The following CDKL5 variants were observed in gnomAD, a reference collection of about 807,000 sequenced individuals.
CDKL5 encodes cyclin-dependent kinase-like 5.
A neutral mutation model predicts 61.7 loss-of-function variants in CDKL5; 8 were observed. That is an observed-to-expected ratio of 0.13 (90% confidence interval 0.08 to 0.23). The LOEUF (loss-of-function observed/expected upper bound fraction) is 0.23. Ranked by LOEUF, CDKL5 falls within the 10% of genes least tolerant of loss-of-function variation. The pLI is 1.00. For missense variants in CDKL5, 440 were observed against 734.5 expected (o/e 0.60, Z 4.63); for synonymous variants, 275 against 272.3 (o/e 1.01, Z -0.10).
chrX:18,445,787 C>T (rs1000467809), intron 1 of CDKL5, among the ~76,000 whole-genome samples: 3 of 111,310 alleles, frequency 2.7e-5, no homozygotes, highest in Admixed American at 9.6e-5. Flanking sequence ...CCCAGCCATA[C>T]GGAACTGGGG....
chrX:18,426,451 C>T (rs987075594), intron 1 of CDKL5: 1 of 112,496 alleles, frequency 8.9e-6, no homozygotes, highest in African/African-American at 3.2e-5. Context: ...AAAAAAATAA[C>T]CTGAACATAT....
At chrX:18,548,563 T>C (rs891674410) in intron 3 of CDKL5, among the ~76,000 whole-genome samples, 1 of 112,736 alleles carries the variant, frequency 8.9e-6, no homozygotes, top group African/African-American at 3.2e-5. Flanking sequence ...GGCAAAACGC[T>C]GTGACTTGGA....
At chrX:18,462,395 T>C (rs1257871472) in intron 1 of CDKL5, among the ~76,000 whole-genome samples, 1 of 111,913 alleles carries the variant, frequency 8.9e-6, no homozygotes, top group East Asian at 2.8e-4. Context: ...TTGTTAGAAA[T>C]GCAAACTCTT....
chrX:18,444,111 A>G (rs779188269), intron 1 of CDKL5, among the ~76,000 whole-genome samples: 3 of 99,127 alleles, frequency 3.0e-5, no homozygotes, highest in Non-Finnish European at 6.1e-5. Flanking sequence ...CTAGGTGTGG[A>G]TTTGTTTTAT....
At chrX:18,502,754 C>T (rs771991271) in intron 1 of CDKL5, among the ~76,000 whole-genome samples, 34 of 111,813 alleles carry the variant, frequency 3.0e-4, no homozygotes, top group Non-Finnish European at 4.9e-4. Context: ...TAATTTCCCT[C>T]ACTCTATTAT....
At chrX:18,650,639 C>T (rs368135097) in intron 21 of CDKL5, 31 of 1,161,011 alleles carry the variant, frequency 2.7e-5, no homozygotes, top group Admixed American at 4.4e-5. Flanking sequence ...GGCTGTACCT[C>T]GGAATTGCCC....
Position 18,628,780 on chromosome X carries a change from G to C in CDKL5, c.*23G>C. 1 of 1,049,719 alleles carries C rather than the reference G, an allele frequency of 9.5e-7. No individual in the cohort carries two copies. The highest frequency in any genetic ancestry group is 1.2e-6 in the Non-Finnish European group (1 of 812,565). 86.5% of individuals were successfully genotyped at this position (1,049,719 alleles called of 1,213,427 possible). A position where few individuals can be genotyped will look rare whatever the true frequency, so the allele number is the denominator to read the frequency against. ...TAATTTGTGCTGGTAGGGGGGAGGGGTGGACAGACAAGCCAGTGGGGAGGG... is the reference window on the plus strand; with the variant it reads ...TAATTTGTGCTGGTAGGGGGGAGGGCTGGACAGACAAGCCAGTGGGGAGGG... On this transcript the variant is annotated 3_prime_UTR_variant, in exon 18 of 18. Coordinates refer to ENST00000623535, the MANE Select transcript of CDKL5 (RefSeq NM_001323289.2).
At chrX:18,522,790 T>C (rs1039158139) in intron 3 of CDKL5, among the ~76,000 whole-genome samples, 4 of 107,941 alleles carry the variant, frequency 3.7e-5, no homozygotes, top group African/African-American at 1.4e-4. Context: ...AGAAATATTA[T>C]CGATTTTTTT....
intron 2 of CDKL5, among the ~76,000 whole-genome samples, chrX:18,509,093 C>CAT (rs1182198878): frequency 1.4e-4 from 10 of 69,597 alleles, no homozygotes; most frequent in Non-Finnish European, 2.6e-4. Context: ...TGTCTCAAAA[C>CAT]ACACACACAC....
intron 9 of CDKL5, among the ~76,000 whole-genome samples, chrX:18,594,482 G>A (rs778946878): frequency 5.3e-5 from 6 of 112,347 alleles, no homozygotes; most frequent in Non-Finnish European, 1.1e-4. Flanking sequence ...TATTAAAAGC[G>A]ATGACAGAAT....
intron 16 of CDKL5, among the ~76,000 whole-genome samples, chrX:18,623,721 C>A (rs1926955356): frequency 9.0e-6 from 1 of 110,755 alleles, no homozygotes; most frequent in Non-Finnish European, 1.9e-5. Flanking sequence ...TCTTCACATC[C>A]AGGTGAGAAT....
intron 3 of CDKL5, among the ~76,000 whole-genome samples, chrX:18,550,174 G>A (rs763361557): frequency 9.0e-6 from 1 of 111,710 alleles, no homozygotes; most frequent in African/African-American, 3.3e-5. Flanking sequence ...GATCAACTGG[G>A]GTAGATCCCT....
intron 1 of CDKL5, among the ~76,000 whole-genome samples, chrX:18,468,789 C>T (rs971008126): frequency 5.4e-5 from 6 of 111,284 alleles, no homozygotes; most frequent in Non-Finnish European, 1.1e-4. Context: ...CTTAGTCTTA[C>T]GTAGTGCTTT....
intron 20 of CDKL5, among the ~76,000 whole-genome samples, chrX:18,646,336 T>A (rs760743966): frequency 7.2e-5 from 8 of 111,408 alleles, no homozygotes; most frequent in Admixed American, 2.9e-4. Flanking sequence ...GTATTTTTAG[T>A]AGAGATGAGG....
chrX:18,470,544 C>T (rs1424171514), intron 1 of CDKL5, among the ~76,000 whole-genome samples: 2 of 110,603 alleles, frequency 1.8e-5, no homozygotes, highest in African/African-American at 6.6e-5. Context: ...ATTTTGAGTA[C>T]ATTACTGAGA....
chrX:18,497,958 G>C (rs1274184067), intron 1 of CDKL5, among the ~76,000 whole-genome samples: 1 of 106,682 alleles, frequency 9.4e-6, no homozygotes, highest in African/African-American at 3.4e-5. Context: ...GCTGGGACTA[G>C]AGGTGTTCGC....
rs1050009918 is a variant in CDKL5, at chrX:18,634,842, T to G, written c.*6085T>G. The G allele has an allele frequency of 1.1e-5, 8 of 750,338 alleles. No individual in the cohort carries two copies. The highest frequency in any genetic ancestry group is 1.3e-5 in the Non-Finnish European group (8 of 636,876). 61.8% of individuals were successfully genotyped at this position (750,338 alleles called of 1,213,427 possible). A position where few individuals can be genotyped will look rare whatever the true frequency, so the allele number is the denominator to read the frequency against. The stretch of plus-strand genomic sequence containing the variant: ...TATTCTGTATATACTTAGCTAACTA[T>G]TCAGAGCTTCTTCAATCTCTAGTAA... On this transcript the variant is annotated 3_prime_UTR_variant, in exon 18 of 18. Coordinates refer to ENST00000623535, the MANE Select transcript of CDKL5 (RefSeq NM_001323289.2).
At chrX:18,626,696 CT>C (rs1927058507) in intron 17 of CDKL5, 1 of 43,631 alleles carries the variant, frequency 2.3e-5, no homozygotes, top group African/African-American at 8.6e-5. Flanking sequence ...CTCTCTCTCT[CT>C]CTCTCTCTCT....
At chrX:18,533,588 A>G (rs901873478) in intron 3 of CDKL5, among the ~76,000 whole-genome samples, 1 of 112,062 alleles carries the variant, frequency 8.9e-6, no homozygotes, top group African/African-American at 3.2e-5. Flanking sequence ...GTAAATACAT[A>G]TTTAAGTTGG....
Sources: gnomAD v4.1 joint callset for allele counts (sites outside exome capture counted in the v4.1 genomes callset) on GRCh38, gnomAD v4.1.1 for gene constraint, MANE v1.5 for transcripts, NCBI Gene and HGNC (gene_info 2026-07-23, HGNC 2026-07-21) for gene names.